The following ENO3 variants were observed in gnomAD, a reference collection of about 807,000 sequenced individuals.
The protein encoded by ENO3 is beta-enolase.
ENO3 carries 46 observed loss-of-function variants against 47.7 expected under a neutral mutation model. The observed-to-expected ratio is 0.96, with a 90% CI of 0.76 to 1.23. ENO3 has a LOEUF of 1.23. Among genes scored for constraint, ENO3 ranks in the 50% most tolerant of loss-of-function variants. The pLI, the probability that ENO3 is intolerant of heterozygous loss-of-function variation, is 0.00. For missense variants in ENO3, 575 were observed against 566.2 expected, an observed-to-expected ratio of 1.02 and a Z score of -0.16; for synonymous variants, 223 against 225.9, an observed-to-expected ratio of 0.99 and a Z score of 0.11.
Position 4,956,589 on chromosome 17 carries a change from T to C in ENO3, c.1084T>C (p.Ser362Pro). ...ESIQACKLAQ[S>P]NGWGVMVSHR... ...TCCACTCAGGTGCAAACTGGCTCAG[T>C]CTAATGGCTGGGGGGTGATGGTGAG... The change falls in exon 10 of 12, where the codon TCT becomes CCT. Residue 362 changes from serine (S) to proline (P), a missense_variant. By Grantham distance (74) the Ser-to-Pro change is moderately conservative. Transcript: ENST00000519602. The C allele has an allele frequency of 1.2e-6, 2 of 1,614,108 alleles. No homozygotes were observed. Among genetic ancestry groups the C allele is most frequent in the South Asian group, 1.1e-5 (1 of 91,076 alleles).
rs373310763 is a variant in ENO3, at chr17:4,951,824, G to T, written c.-2-4G>T. 32 of 1,613,970 alleles carry T rather than the reference G, an allele frequency of 2.0e-5. No individual in the cohort carries two copies. The African/African-American group carries it at 2.9e-4, about 15-fold the overall frequency. On this transcript the variant is annotated splice_polypyrimidine_tract_variant and splice_region_variant and intron_variant, in intron 1 of 11. Coordinates refer to ENST00000519602, the MANE Select transcript of ENO3 (RefSeq NM_053013.4). Reference sequence around the variant, plus strand: ...TACACTCACTCACACCTCCTGTCCTGCAGCCATGGCCATGCAGAAAATCTT... The same window carrying T: ...TACACTCACTCACACCTCCTGTCCTTCAGCCATGGCCATGCAGAAAATCTT...
chr17:4,955,957 AC>A lies in ENO3; in HGVS notation c.885del (p.Phe296LeufsTer16). The A allele has an allele frequency of 1.2e-6, 2 of 1,603,212 alleles. No individual in the cohort carries two copies. Among genetic ancestry groups the A allele is most frequent in the Non-Finnish European group, 1.7e-6 (2 of 1,177,862 alleles). ...IKNYPVVSIEDPFDQDDWATW... is the reference protein window; with the variant it reads ...IKNYPVVSIEXPFDQDDWATW... ...ACCCCACCAGTGGTCTCCATCGAAG[AC>A]CCCTTTGACCAGGATGACTGGGCCA... On this transcript the variant is annotated frameshift_variant, in exon 9 of 12. Transcript: ENST00000519602. LOFTEE classifies it high-confidence loss of function.
At chr17:4,955,364 A>C (rs760390556) in intron 7 of ENO3, 43 bp from the exon 8 acceptor site, 1 of 1,614,088 alleles carries the variant, frequency 6.2e-7, no homozygotes, top group Non-Finnish European at 8.5e-7. Flanking sequence ...GGCTGCAGAC[A>C]AGGGGCACTG....
chr17:4,952,019 T>C, intron 2 of ENO3, 105 bp downstream of exon 2: 1 of 1,260,610 alleles, frequency 7.9e-7, no homozygotes, highest in Non-Finnish European at 1.1e-6. Flanking sequence ...GGGTTCCCTT[T>C]CCCAGACTTC....
Position 4,955,429 on chromosome 17 carries a change from C to CATCCAGGCGGCTGGTT in ENO3, c.692_707dup (p.Asp238GlyfsTer18), listed in dbSNP as rs757486701. ...CAGCCCTGGAGCTGCTGAAGACGGC[C>CATCCAGGCGGCTGGTT]ATCCAGGCGGCTGGTTACCCAGACA... On this transcript the variant is annotated frameshift_variant, in exon 8 of 12. Transcript: ENST00000519602. LOFTEE classifies it high-confidence loss of function. 74 of 1,614,138 alleles carry CATCCAGGCGGCTGGTT rather than the reference C, an allele frequency of 4.6e-5. No homozygotes were observed. The highest frequency in any genetic ancestry group is 3.0e-4 in the Admixed American group (18 of 60,014).
Position 4,953,331 on chromosome 17 carries a change from C to G in ENO3, c.300C>G (p.Thr100=), listed in dbSNP as rs1187647542. 1 of 1,614,124 alleles carries G rather than the reference C, an allele frequency of 6.2e-7. No homozygotes were observed. Among genetic ancestry groups the G allele is most frequent in the African/African-American group, 1.3e-5 (1 of 75,008 alleles). ...AATTTATGATTGAGCTAGATGGGAC[C>G]GAGAATAAGTGTGAGTGAAGGGCTA... ...VDKFMIELDG[T]ENKSKFGANA... The change falls in exon 5 of 12, where the codon ACC becomes ACG. Residue 100 remains threonine (T), a synonymous_variant. Transcript: ENST00000519602.
chr17:4,956,361 C>T, intron 9 of ENO3: 1 of 731,872 alleles, frequency 1.4e-6, no homozygotes, highest in Non-Finnish European at 2.3e-6. Flanking sequence ...CCAGCCCACA[C>T]CATTCCTCTC....
At chr17:4,954,986 C>T in intron 6 of ENO3, 89 bp from the exon 7 acceptor site, 1 of 1,237,296 alleles carries the variant, frequency 8.1e-7, no homozygotes, top group Non-Finnish European at 1.1e-6. Context: ...AGTAGGGAAG[C>T]CAGGTTTCCA....
At chr17:4,956,342 C>T in intron 9 of ENO3, 199 bp downstream of exon 9, 1 of 751,232 alleles carries the variant, frequency 1.3e-6, no homozygotes, top group Non-Finnish European at 2.2e-6. Context: ...CTGTCATGAC[C>T]CCCCACCCCC....
intron 2 of ENO3, 33 bp downstream of exon 2, chr17:4,951,947 C>G: frequency 6.2e-7 from 1 of 1,610,888 alleles, no homozygotes; most frequent in Non-Finnish European, 8.5e-7. Flanking sequence ...GGCTCGCCTC[C>G]GAAGACCCCA....
chr17:4,949,137 G>T (rs950609774), upstream of ENO3: 31 of 152,238 alleles, frequency 2.0e-4, 1 homozygote, highest in Admixed American at 1.7e-3. Context: ...AGGGGCGGGG[G>T]CGAAGCCGTG....
intron 11 of ENO3, 26 bp downstream of exon 11, chr17:4,956,915 C>T (rs557198824): frequency 6.2e-7 from 1 of 1,614,186 alleles, no homozygotes; most frequent in African/African-American, 1.3e-5. Context: ...TGGGCCTGGG[C>T]ATTGGGGTGC....
Position 4,955,081 on chromosome 17 carries a change from A to C in ENO3, c.451A>C (p.Asn151His). 6.2e-7 allele frequency: 1 copy of C among 1,608,800 alleles called. No individual in the cohort carries two copies. The highest frequency in any genetic ancestry group is 8.5e-7 in the Non-Finnish European group (1 of 1,177,078). The change falls in exon 7 of 12, where the codon AAT becomes CAT. Residue 151 changes from asparagine (N) to histidine (H), a missense_variant. Coordinates refer to ENST00000519602, the MANE Select transcript of ENO3 (RefSeq NM_053013.4). Reference protein sequence around the residue: ...PDLILPVPAFNVINGGSHAGN... With the variant: ...PDLILPVPAFHVINGGSHAGN... ...CACCCTCTCCCCATCTCAGGCCTTC[A>C]ATGTGATCAACGGGGGCTCCCATGC...
chr17:4,954,859 T>G (rs1380742419), intron 6 of ENO3, among the ~76,000 whole-genome samples: 1 of 144,300 alleles, frequency 6.9e-6, no homozygotes, highest in Non-Finnish European at 1.5e-5. Flanking sequence ...GTTGCGCCAT[T>G]GCACTCCAGC....
At position 4,952,893 on chromosome 17, in the gene ENO3, G is replaced by A; in HGVS notation, c.181+3G>A. 1.9e-6 allele frequency: 3 copies of A among 1,612,298 alleles called. No individual in the cohort carries two copies. Among genetic ancestry groups the A allele is most frequent in the South Asian group, 2.2e-5 (2 of 90,772 alleles). ...CAAAGGCCGCTACCTGGGGAAAGGT[G>A]AGGAGACACCAGCGCAGAAGGAGCC... is the stretch of plus-strand genomic sequence containing the variant. On this transcript the variant is annotated splice_donor_region_variant and intron_variant, in intron 3 of 11. Transcript: ENST00000519602.
chr17:4,954,012 A>C, intron 6 of ENO3, 167 bp downstream of exon 6: 1 of 1,043,756 alleles, frequency 9.6e-7, no homozygotes, highest in Non-Finnish European at 1.4e-6. Flanking sequence ...CTCTTCCACA[A>C]TCCAAACCTT....
intron 6 of ENO3, 102 bp downstream of exon 6, chr17:4,953,947 C>G: frequency 6.4e-7 from 1 of 1,564,484 alleles, no homozygotes; most frequent in Non-Finnish European, 8.7e-7. Context: ...AGACCAGCTC[C>G]TAAGAAGCAG....
At chr17:4,954,606 C>T (rs1434230143) in intron 6 of ENO3, among the ~76,000 whole-genome samples, 1 of 152,152 alleles carries the variant, frequency 6.6e-6, no homozygotes, top group African/African-American at 2.4e-5. Context: ...AGGTGCTATC[C>T]CCATTTTACA....
At chr17:4,954,465 A>G (rs1339977630) in intron 6 of ENO3, among the ~76,000 whole-genome samples, 1 of 152,252 alleles carries the variant, frequency 6.6e-6, no homozygotes, top group East Asian at 1.9e-4. Context: ...ATGGGCTAAT[A>G]CATGTAAAGT....
Sources: allele counts gnomAD v4.1 joint callset (sites outside exome capture counted in the v4.1 genomes callset), GRCh38; gene constraint gnomAD v4.1.1; transcripts MANE v1.5; gene names NCBI Gene and HGNC (gene_info 2026-07-23, HGNC 2026-07-21).